Variants in SLAMF8 observed in about 807,000 individuals in gnomAD.
SLAMF8 encodes the protein B lymphocyte activator macrophage expressed.
Under a neutral mutation model 29.0 loss-of-function variants are expected in SLAMF8, and 23 were observed. The observed-to-expected ratio is 0.79, with a 90% confidence interval of 0.57 to 1.13. The LOEUF (loss-of-function observed/expected upper bound fraction) is 1.13. SLAMF8 is among the 50% of genes most tolerant of loss of function. The pLI, the probability that SLAMF8 is intolerant of heterozygous loss-of-function variation, is 0.00. For synonymous variants in SLAMF8, 139 were observed against 145.6 expected, an observed-to-expected ratio of 0.96 and a Z score of 0.32; for missense variants, 381 against 353.1, an observed-to-expected ratio of 1.08 and a Z score of -0.63.
chr1:159,832,847 C>T (rs1274449063), intron 2 of SLAMF8, 29 bp from the exon 3 acceptor site: 2 of 1,603,024 alleles, frequency 1.2e-6, no homozygotes, highest in African/African-American at 2.7e-5. Flanking sequence ...ATCCCTGAGA[C>T]CCATACCAGC....
At chr1:159,827,108 T>C (rs1413514578) in intron 1 of SLAMF8, among the ~76,000 whole-genome samples, 170 bp downstream of exon 1, 1 of 152,130 alleles carries the variant, frequency 6.6e-6, no homozygotes, top group African/African-American at 2.4e-5. Flanking sequence ...GCTAGGCAGA[T>C]ACAAAGAGAT....
rs1019590534 is a variant in SLAMF8, at chr1:159,837,483, A to G, written c.*2223A>G. The G allele has an allele frequency of 5.2e-6, 1 of 194,072 alleles. No individual in the cohort carries two copies. Among genetic ancestry groups the G allele is most frequent in the Admixed American group, 6.3e-5 (1 of 15,776 alleles). 12.0% of individuals were successfully genotyped at this position (194,072 alleles called of 1,614,324 possible). A position where few individuals can be genotyped will look rare whatever the true frequency, so the allele number is the denominator to read the frequency against. ...ATGGTCTGGATAATATAAATAAACA[A>G]GTAAGCATATGTCAGATGTTGTTAG... is the stretch of plus-strand genomic sequence containing the variant. On this transcript the variant is annotated 3_prime_UTR_variant, in exon 5 of 5. Coordinates refer to ENST00000289707, the MANE Select transcript of SLAMF8 (RefSeq NM_020125.3).
intron 2 of SLAMF8, among the ~76,000 whole-genome samples, 181 bp from the exon 3 acceptor site, chr1:159,832,695 T>C (rs922384704): frequency 6.6e-6 from 1 of 152,202 alleles, no homozygotes; most frequent in African/African-American, 2.4e-5. Context: ...CTGAAAGGTT[T>C]TGAATATCAA....
intron 1 of SLAMF8, 119 bp from the exon 2 acceptor site, chr1:159,829,746 AC>A: frequency 9.4e-7 from 1 of 1,066,442 alleles, no homozygotes; most frequent in Non-Finnish European, 1.4e-6. Context: ...TGCAACCTCA[AC>A]TTGAGTGGAG....
At chr1:159,830,326 A>G in intron 2 of SLAMF8, 134 bp downstream of exon 2, 6 of 948,246 alleles carry the variant, frequency 6.3e-6, no homozygotes, top group South Asian at 2.0e-5. Flanking sequence ...GACTCAGGGA[A>G]CAGCTGCTCC....
intron 2 of SLAMF8, among the ~76,000 whole-genome samples, chr1:159,831,972 C>T (rs1222576354): frequency 2.6e-5 from 4 of 152,154 alleles, no homozygotes; most frequent in Non-Finnish European, 5.9e-5. Context: ...CTGGCATTAA[C>T]GAGGTTTTTC....
intron 1 of SLAMF8, among the ~76,000 whole-genome samples, chr1:159,827,757 A>G (rs369248714): frequency 2.0e-5 from 3 of 152,040 alleles, no homozygotes; most frequent in African/African-American, 7.2e-5. Flanking sequence ...TTTCTTCAAT[A>G]TTTCTAAACA....
At chr1:159,832,208 G>A (rs2101792336) in intron 2 of SLAMF8, among the ~76,000 whole-genome samples, 1 of 152,278 alleles carries the variant, frequency 6.6e-6, no homozygotes, top group East Asian at 1.9e-4. Context: ...TAACAAGACA[G>A]AGCCCCCACC....
At position 159,837,374 on chromosome 1, in the gene SLAMF8, T is replaced by C; in HGVS notation, c.*2114T>C. ...TTGTAAGTCACACCACAACAAATAT[T>C]GATTGAGGGCGCTGCATGTGCTGGG... On this transcript the variant is annotated 3_prime_UTR_variant, in exon 5 of 5. Transcript: ENST00000289707. 1.1e-6 allele frequency: 1 copy of C among 907,026 alleles called. No individual in the cohort carries two copies. The highest frequency in any genetic ancestry group is 1.3e-6 in the Non-Finnish European group (1 of 758,404). 56.2% of individuals were successfully genotyped at this position (907,026 alleles called of 1,614,324 possible). A position where few individuals can be genotyped will look rare whatever the true frequency, so the allele number is the denominator to read the frequency against.
intron 2 of SLAMF8, among the ~76,000 whole-genome samples, chr1:159,830,900 T>A (rs1647440403): frequency 6.6e-6 from 1 of 152,224 alleles, no homozygotes; most frequent in South Asian, 2.1e-4. Context: ...TGTTTACTTC[T>A]CATAATTCCG....
rs939209624 is a variant in SLAMF8, at chr1:159,830,141, G to C, written c.316G>C (p.Val106Leu). ...CAGCGGCAACTTCTCCGTGTTGATG[G>C]TGGACACAAGGGGCCAGCCCTGGAC... ...GDSGNFSVLM[V>L]DTRGQPWTQT... The change falls in exon 2 of 5, where the codon GTG (valine) becomes CTG (leucine). Residue 106 changes from valine (V) to leucine (L), a missense_variant. Val to Leu is a conservative substitution (Grantham distance 32). Transcript: ENST00000289707. 1 of 1,613,586 alleles carries C rather than the reference G, an allele frequency of 6.2e-7. No individual in the cohort carries two copies. The highest frequency in any genetic ancestry group is 1.3e-5 in the African/African-American group (1 of 74,940).
chr1:159,833,374 G>T lies in SLAMF8; in HGVS notation c.781+5G>T, dbSNP rs750788809. The T allele has an allele frequency of 1.3e-5, 21 of 1,614,030 alleles. No homozygotes were observed. Among genetic ancestry groups the T allele is most frequent in the Non-Finnish European group, 1.7e-5 (20 of 1,179,980 alleles). ...GGCACTGGTGCCCCTGCTCAGGTAG[G>T]AGTCCTGCAGGTGCAGGAGGTAGGT... On this transcript the variant is annotated splice_donor_5th_base_variant and intron_variant, in intron 4 of 4. Transcript: ENST00000289707.
Position 159,835,936 on chromosome 1 carries a change from G to A in SLAMF8, c.*676G>A. On this transcript the variant is annotated 3_prime_UTR_variant, in exon 5 of 5. Coordinates refer to ENST00000289707, the MANE Select transcript of SLAMF8 (RefSeq NM_020125.3). ...TGGTTGACAACCCATGGTTGAGATGGGCACCGTTTTGCAGGAAACACCATA... is the reference window on the plus strand; with the variant it reads ...TGGTTGACAACCCATGGTTGAGATGAGCACCGTTTTGCAGGAAACACCATA... 1.0e-6 allele frequency: 1 copy of A among 985,412 alleles called. No homozygotes were observed. The highest frequency in any genetic ancestry group is 1.2e-6 in the Non-Finnish European group (1 of 829,940). 61.0% of individuals were successfully genotyped at this position (985,412 alleles called of 1,614,324 possible).
In SLAMF8 at chr1:159,836,563, G is replaced by T; in HGVS notation, c.*1303G>T. 1 of 985,466 alleles carries T rather than the reference G, an allele frequency of 1.0e-6. No homozygotes were observed. Among genetic ancestry groups the T allele is most frequent in the Non-Finnish European group, 1.2e-6 (1 of 829,952 alleles). The allele number at this position is 985,466 out of a possible 1,614,324, so 61.0% of individuals were successfully genotyped here. On this transcript the variant is annotated 3_prime_UTR_variant, in exon 5 of 5. Transcript: ENST00000289707. The stretch of plus-strand genomic sequence containing the variant: ...AGTCTTGATAACAGCGAGGAAAGAG[G>T]TATTGAAGAAACAGGGGTGGGTTTG...
At chr1:159,831,793 C>T (rs892174027) in intron 2 of SLAMF8, among the ~76,000 whole-genome samples, 5 of 152,216 alleles carry the variant, frequency 3.3e-5, no homozygotes, top group Admixed American at 1.3e-4. Context: ...TTTGAATTAG[C>T]AGATCAGTTA....
In SLAMF8 at chr1:159,826,927, T is replaced by G; in HGVS notation, c.29T>G (p.Leu10Arg). 2 of 1,614,164 alleles carry G rather than the reference T, an allele frequency of 1.2e-6. No individual in the cohort carries two copies. Among genetic ancestry groups the G allele is most frequent in the Non-Finnish European group, 1.7e-6 (2 of 1,180,018 alleles). ...GTCATGAGGCCCCTGTGGAGTCTGC[T>G]TCTCTGGGAAGGTAAGTGGGGCAGG... is the stretch of plus-strand genomic sequence containing the variant. MVMRPLWSLLLWEALLPITV... is the reference protein window; with the variant it reads MVMRPLWSLRLWEALLPITV... The change falls in exon 1 of 5, where the codon CTT becomes CGT. Residue 10 changes from leucine to arginine, a missense_variant. Transcript: ENST00000289707.
Position 159,829,943 on chromosome 1 carries a change from C to G in SLAMF8, c.118C>G (p.Pro40Ala), listed in dbSNP as rs769173999. ...GGSVLLVAARPPGFQVREAIW... is the reference protein window; with the variant it reads ...GGSVLLVAARAPGFQVREAIW... Reference sequence around the variant, plus strand: ...CTCGGTGCTGCTGGTGGCAGCGCGTCCCCCTGGCTTCCAAGTCCGTGAGGC... The same window carrying G: ...CTCGGTGCTGCTGGTGGCAGCGCGTGCCCCTGGCTTCCAAGTCCGTGAGGC... The change falls in exon 2 of 5, where the codon CCC becomes GCC. Residue 40 changes from proline (P) to alanine (A), a missense_variant. Coordinates refer to ENST00000289707, the MANE Select transcript of SLAMF8 (RefSeq NM_020125.3). The G allele has an allele frequency of 2.5e-6, 4 of 1,614,134 alleles. No homozygotes were observed. Among genetic ancestry groups the G allele is most frequent in the African/African-American group, 1.3e-5 (1 of 74,950 alleles).
intron 1 of SLAMF8, among the ~76,000 whole-genome samples, chr1:159,829,035 T>C (rs1230884482): frequency 6.6e-6 from 1 of 152,156 alleles, no homozygotes; most frequent in Non-Finnish European, 1.5e-5. Flanking sequence ...TCCCCAGAGC[T>C]AATCTATTAC....
chr1:159,832,019 C>T (rs943786266), intron 2 of SLAMF8, among the ~76,000 whole-genome samples: 2 of 152,178 alleles, frequency 1.3e-5, no homozygotes, highest in Non-Finnish European at 2.9e-5. Context: ...AGACTGAGCC[C>T]TCCTGTTGTC....
Sources: gnomAD v4.1 joint callset for allele counts (sites outside exome capture counted in the v4.1 genomes callset) on GRCh38, gnomAD v4.1.1 for gene constraint, MANE v1.5 for transcripts, NCBI Gene and HGNC (gene_info 2026-07-23, HGNC 2026-07-21) for gene names.